Variants in GARNL3 observed in about 807,000 individuals in gnomAD.
The protein encoded by GARNL3 is GTPase activating Rap/RanGAP domain like 3.
GARNL3 carries 63 observed loss-of-function variants against 125.0 expected under a neutral mutation model. The observed-to-expected ratio is 0.50, with a 90% CI of 0.41 to 0.62. The LOEUF (loss-of-function observed/expected upper bound fraction) is 0.62. GARNL3 is among the 20% of genes least tolerant of loss of function. The pLI is 0.00. For synonymous variants in GARNL3, 439 were observed against 457.5 expected, an observed-to-expected ratio of 0.96 and a Z score of 0.52; for missense variants, 994 against 1,244.0, an observed-to-expected ratio of 0.80 and a Z score of 3.02.
intron 22 of GARNL3, among the ~76,000 whole-genome samples, chr9:127,380,496 A>C (rs966785469): frequency 6.6e-6 from 1 of 152,212 alleles, no homozygotes; most frequent in African/African-American, 2.4e-5. Flanking sequence ...AGGAATGTTC[A>C]TAGCATCTTT....
At chr9:127,311,243 A>C (rs971027453) in intron 2 of GARNL3, among the ~76,000 whole-genome samples, 1 of 151,738 alleles carries the variant, frequency 6.6e-6, no homozygotes, top group Non-Finnish European at 1.5e-5. Context: ...GGGAAAAAAA[A>C]AAACAGAAAA....
intron 1 of GARNL3, among the ~76,000 whole-genome samples, chr9:127,238,104 G>A (rs1351745687): frequency 3.3e-5 from 5 of 152,178 alleles, no homozygotes; most frequent in Admixed American, 2.6e-4. Flanking sequence ...ACCTGCCTTA[G>A]CCTCCTGAGT....
intron 22 of GARNL3, among the ~76,000 whole-genome samples, chr9:127,375,884 C>T (rs1307241018): frequency 1.3e-5 from 2 of 152,206 alleles, no homozygotes; most frequent in African/African-American, 4.8e-5. Context: ...AGTCCTCTGC[C>T]AAGAAGCATG....
intron 2 of GARNL3, among the ~76,000 whole-genome samples, chr9:127,295,065 C>CA (rs1165416664): frequency 6.6e-6 from 1 of 152,172 alleles, no homozygotes; most frequent in African/African-American, 2.4e-5. Flanking sequence ...AATTTCCGGT[C>CA]AGTTGCAGGA....
intron 2 of GARNL3, among the ~76,000 whole-genome samples, chr9:127,258,282 T>C (rs989474820): frequency 6.6e-6 from 1 of 152,156 alleles, no homozygotes; most frequent in Non-Finnish European, 1.5e-5. Context: ...ATCTTTCTGC[T>C]TATTTCCTAC....
chr9:127,260,888 A>C (rs1253672889), upstream of GARNL3, among the ~76,000 whole-genome samples: 1 of 152,194 alleles, frequency 6.6e-6, no homozygotes, highest in Non-Finnish European at 1.5e-5. Context: ...ATAAACCCTG[A>C]ATCCTAGTGA....
upstream of GARNL3, among the ~76,000 whole-genome samples, chr9:127,260,991 C>T (rs1296358220): frequency 6.6e-6 from 1 of 152,154 alleles, no homozygotes; most frequent in Non-Finnish European, 1.5e-5. Flanking sequence ...TGCAGTGGCT[C>T]ACGCCCGTAA....
chr9:127,330,040 G>C (rs968449535), intron 7 of GARNL3, among the ~76,000 whole-genome samples: 5 of 152,202 alleles, frequency 3.3e-5, no homozygotes, highest in Non-Finnish European at 7.3e-5. Flanking sequence ...AGCAGTATCA[G>C]CATCACCTCG....
chr9:127,352,980 A>T (rs10819276), intron 17 of GARNL3, among the ~76,000 whole-genome samples: 1 of 152,074 alleles, frequency 6.6e-6, no homozygotes, highest in Non-Finnish European at 1.5e-5. Context: ...TGATTCTGCC[A>T]TCCATCTCAG....
At position 127,383,294 on chromosome 9, in the gene GARNL3, AG is replaced by A. The variant is rs1207807263; in HGVS notation, c.2162-143del. ...AGAATGCCTTTGACCCTAAGTATCC[AG>A]CATCATGGCGGTATTCATACTGGCT... On this transcript the variant is annotated intron_variant, in intron 22 of 27. Transcript: ENST00000373387. 10 of 542,044 alleles carry A rather than the reference AG, an allele frequency of 1.8e-5. No individual in the cohort carries two copies. The African/African-American group carries it at 1.9e-4, about 10-fold the overall frequency. The allele number at this position is 542,044 out of a possible 1,614,324, so 33.6% of individuals were successfully genotyped here.
intron 2 of GARNL3, among the ~76,000 whole-genome samples, chr9:127,257,553 C>A (rs2063514542): frequency 1.3e-5 from 2 of 152,156 alleles, no homozygotes; most frequent in Non-Finnish European, 2.9e-5. Flanking sequence ...TAGTGAACCA[C>A]ATAAATTTCA....
chr9:127,233,879 G>A lies in GARNL3; in HGVS notation c.-28-9200G>A, dbSNP rs117869977. Reference sequence around the variant, plus strand: ...CCTTTTCTTCTTCCTTATGTTTCTTGGGACTCTTAGAGTTTGTTTTTCTTG... The same window carrying A: ...CCTTTTCTTCTTCCTTATGTTTCTTAGGACTCTTAGAGTTTGTTTTTCTTG... On this transcript the variant is annotated intron_variant, in intron 1 of 10. Coordinates refer to the GARNL3 transcript ENST00000439286. 6.4e-4 allele frequency among the ~76,000 whole-genome samples: 98 copies of A among 152,192 alleles called. No individual in the cohort carries two copies. In the Middle Eastern group the frequency reaches 0.014, roughly 21 times the overall value.
intron 26 of GARNL3, 49 bp downstream of exon 26, chr9:127,389,168 G>C: frequency 7.4e-7 from 1 of 1,347,350 alleles, no homozygotes. Context: ...AGACCAGCTG[G>C]TTTTATCTTT....
intron 1 of GARNL3, among the ~76,000 whole-genome samples, chr9:127,229,423 C>T (rs544182530): frequency 2.0e-5 from 3 of 152,320 alleles, no homozygotes; most frequent in Admixed American, 6.5e-5. Flanking sequence ...CAATTGTGGG[C>T]CTGTTACCAG....
chr9:127,350,340 A>T (rs1322519147), intron 17 of GARNL3, among the ~76,000 whole-genome samples: 1 of 152,208 alleles, frequency 6.6e-6, no homozygotes, highest in Non-Finnish European at 1.5e-5. Context: ...AAATGGGATG[A>T]TGATCACAAC....
intron 2 of GARNL3, among the ~76,000 whole-genome samples, chr9:127,243,732 A>C (rs1174496422): frequency 6.6e-6 from 1 of 152,250 alleles, no homozygotes; most frequent in Non-Finnish European, 1.5e-5. Context: ...TACAAAATAA[A>C]TTTTAATAAT....
intron 2 of GARNL3, among the ~76,000 whole-genome samples, chr9:127,294,265 G>A (rs952392865): frequency 1.3e-5 from 2 of 152,100 alleles, no homozygotes; most frequent in Non-Finnish European, 2.9e-5. Flanking sequence ...GTTTTAATTG[G>A]CAATTCCTAC....
intron 22 of GARNL3, among the ~76,000 whole-genome samples, chr9:127,374,749 T>C (rs1831799808): frequency 6.6e-6 from 1 of 152,070 alleles, no homozygotes; most frequent in African/African-American, 2.4e-5. Flanking sequence ...AGGTGTTCAA[T>C]ATCATTAGCT....
At position 127,392,962 on chromosome 9, in the gene GARNL3, A is replaced by T; in HGVS notation, c.2871-121A>T. On this transcript the variant is annotated intron_variant, in intron 27 of 27. Transcript: ENST00000373387. This position sits in a 1 kb window ranked among gnomAD's most constrained non-coding sequence, Gnocchi z 5.2. ...CAGCACTTCCCCACCTCTACCACAT[A>T]ACAGTGAGGGTTTGGTGAGCCAAAC... 1 of 773,328 alleles carries T rather than the reference A, an allele frequency of 1.3e-6. No homozygotes were observed. Among genetic ancestry groups the T allele is most frequent in the Non-Finnish European group, 2.1e-6 (1 of 473,660 alleles). The allele number at this position is 773,328 out of a possible 1,614,324, so 47.9% of individuals were successfully genotyped here.
Sources: allele counts gnomAD v4.1 joint callset (sites outside exome capture counted in the v4.1 genomes callset), GRCh38; gene constraint gnomAD v4.1.1; non-coding constraint Gnocchi (gnomAD v3.1); transcripts MANE v1.5; gene names NCBI Gene and HGNC (gene_info 2026-07-23, HGNC 2026-07-21).